The following LRMDA variants were observed in gnomAD, a reference collection of about 807,000 sequenced individuals.
LRMDA encodes the protein leucine rich melanocyte differentiation associated, also known as leucine-rich melanocyte differentiation-associated protein.
Under a neutral mutation model 29.8 loss-of-function variants are expected in LRMDA, and 18 were observed. The ratio of observed to expected loss-of-function variants is 0.60; its 90% CI spans 0.42 to 0.90. The LOEUF (loss-of-function observed/expected upper bound fraction) is 0.90, where lower values mean the gene tolerates loss of function less well. Among genes scored for constraint, LRMDA ranks in the 40% least tolerant of loss-of-function variants. The probability of loss-of-function intolerance (pLI) is 0.00; values close to 1 mark genes in which losing one functional copy is unlikely to be tolerated. For synonymous variants in LRMDA, 125 were observed against 109.4 expected (o/e 1.14, Z -0.89); for missense variants, 273 against 273.9 (o/e 1.00, Z 0.02).
chr10:75,648,065 A>C (rs1435940811), intron 2 of LRMDA, among the ~76,000 whole-genome samples: 1 of 152,188 alleles, frequency 6.6e-6, no homozygotes, highest in Non-Finnish European at 1.5e-5. Context: ...TGGCTTAGGG[A>C]TATAACAGGG....
chr10:75,721,496 A>G (rs1484042207), intron 2 of LRMDA, among the ~76,000 whole-genome samples: 2 of 152,222 alleles, frequency 1.3e-5, no homozygotes, highest in Admixed American at 6.5e-5. Context: ...ACATTATTCA[A>G]AAACAGCTGT....
intron 2 of LRMDA, among the ~76,000 whole-genome samples, chr10:75,457,353 A>C (rs1159578253): frequency 6.6e-6 from 1 of 152,238 alleles, no homozygotes; most frequent in East Asian, 1.9e-4. Context: ...TTCCAGGCTC[A>C]TGAAAAGGGG....
At chr10:76,521,194 C>T (rs970360582) in intron 6 of LRMDA, among the ~76,000 whole-genome samples, 7 of 149,004 alleles carry the variant, frequency 4.7e-5, no homozygotes, top group African/African-American at 1.7e-4. Context: ...AGTGCCGTGG[C>T]GCGATCTCGG....
chr10:75,907,634 T>G (rs916654869), intron 2 of LRMDA, among the ~76,000 whole-genome samples: 2 of 152,188 alleles, frequency 1.3e-5, no homozygotes, highest in African/African-American at 4.8e-5. Flanking sequence ...TACTTTACAG[T>G]AGCGTTAGAG....
chr10:76,060,666 A>C (rs138118645), intron 5 of LRMDA, among the ~76,000 whole-genome samples: 1 of 152,216 alleles, frequency 6.6e-6, no homozygotes, highest in African/African-American at 2.4e-5. Context: ...CCTAAGGTCT[A>C]AATGAGGAAA....
chr10:75,668,441 C>T (rs1276777042), intron 2 of LRMDA, among the ~76,000 whole-genome samples: 1 of 152,138 alleles, frequency 6.6e-6, no homozygotes, highest in Non-Finnish European at 1.5e-5. Context: ...GACAAGTGCC[C>T]ATGTCTGCCA....
At chr10:76,502,666 G>A (rs928185841) in intron 6 of LRMDA, among the ~76,000 whole-genome samples, 1 of 151,600 alleles carries the variant, frequency 6.6e-6, no homozygotes, top group South Asian at 2.1e-4. Context: ...CCTGGACATT[G>A]TTGGTTTATA....
chr10:76,099,172 C>T (rs1230168015), intron 5 of LRMDA, among the ~76,000 whole-genome samples: 1 of 152,156 alleles, frequency 6.6e-6, no homozygotes, highest in Non-Finnish European at 1.5e-5. Context: ...CATCTAGTCC[C>T]CAGGCAAGAA....
chr10:75,937,067 A>G (rs769155929), intron 2 of LRMDA, among the ~76,000 whole-genome samples: 5 of 152,178 alleles, frequency 3.3e-5, no homozygotes, highest in Non-Finnish European at 7.4e-5. Context: ...TTTTGGGGGA[A>G]GAAGCCCTAA....
intron 2 of LRMDA, among the ~76,000 whole-genome samples, chr10:75,470,684 T>C (rs1013051869): frequency 6.6e-6 from 1 of 152,146 alleles, no homozygotes; most frequent in African/African-American, 2.4e-5. Flanking sequence ...AGCTCACTTC[T>C]CTGCAGGGCA....
At chr10:75,939,165 C>A (rs1309595294) in intron 2 of LRMDA, among the ~76,000 whole-genome samples, 1 of 152,186 alleles carries the variant, frequency 6.6e-6, no homozygotes, top group Non-Finnish European at 1.5e-5. Flanking sequence ...GTGATACCTT[C>A]CAGTGGTGAG....
chr10:75,709,431 T>C (rs1304932973), intron 2 of LRMDA, among the ~76,000 whole-genome samples: 1 of 151,946 alleles, frequency 6.6e-6, no homozygotes, highest in Non-Finnish European at 1.5e-5. Flanking sequence ...CGTGTGTGTG[T>C]GTGTGTCTGT....
intron 2 of LRMDA, among the ~76,000 whole-genome samples, chr10:75,577,862 C>A (rs9416075): frequency 2.0e-5 from 3 of 151,962 alleles, no homozygotes; most frequent in Admixed American, 6.5e-5. Context: ...ACCACTAGGC[C>A]TGCCTTACAA....
At chr10:75,664,060 T>C (rs1196141300) in intron 2 of LRMDA, among the ~76,000 whole-genome samples, 1 of 152,232 alleles carries the variant, frequency 6.6e-6, no homozygotes, top group East Asian at 1.9e-4. Context: ...AAGTTTACTT[T>C]GGCCAGTACT....
chr10:76,511,558 A>G (rs1411895152), intron 6 of LRMDA, among the ~76,000 whole-genome samples: 1 of 152,102 alleles, frequency 6.6e-6, no homozygotes, highest in Non-Finnish European at 1.5e-5. Context: ...TCAATATGTG[A>G]AAAATCAATT....
chr10:75,842,179 T>C (rs527805210), intron 2 of LRMDA, among the ~76,000 whole-genome samples: 199 of 152,250 alleles, frequency 1.3e-3, no homozygotes, highest in Non-Finnish European at 2.1e-3. Context: ...TTTTAAATCA[T>C]GGAGAAAAAT....
intron 2 of LRMDA, among the ~76,000 whole-genome samples, chr10:75,659,608 G>A (rs1841724206): frequency 6.6e-6 from 1 of 152,166 alleles, no homozygotes; most frequent in Non-Finnish European, 1.5e-5. Context: ...CCAGAAGCAG[G>A]GAATAGAAAT....
At chr10:75,659,051 G>A (rs1841715101) in intron 2 of LRMDA, among the ~76,000 whole-genome samples, 1 of 152,202 alleles carries the variant, frequency 6.6e-6, no homozygotes, top group Non-Finnish European at 1.5e-5. Flanking sequence ...TGGCCCCTGG[G>A]ACCAGCTGAG....
intron 2 of LRMDA, among the ~76,000 whole-genome samples, chr10:75,955,085 A>T (rs939577810): frequency 6.6e-6 from 1 of 152,250 alleles, no homozygotes; most frequent in Non-Finnish European, 1.5e-5. Context: ...ATTAAAATCA[A>T]CGGCACATTA....
Sources: allele counts gnomAD v4.1 joint callset (sites outside exome capture counted in the v4.1 genomes callset), GRCh38; gene constraint gnomAD v4.1.1; transcripts MANE v1.5; gene names NCBI Gene and HGNC (gene_info 2026-07-23, HGNC 2026-07-21).